The following SUFU variants were observed in gnomAD, a reference collection of about 807,000 sequenced individuals.
SUFU encodes the protein suppressor of fused homolog.
Under a neutral mutation model 58.9 loss-of-function variants are expected in SUFU, and 7 were observed. That is an observed-to-expected ratio of 0.12 (90% CI 0.07 to 0.22). The LOEUF (loss-of-function observed/expected upper bound fraction) is 0.22. Ranked by LOEUF, SUFU falls within the 10% of genes least tolerant of loss-of-function variation. SUFU has a pLI of 1.00. For synonymous variants in SUFU, 232 were observed against 254.8 expected, an observed-to-expected ratio of 0.91 and a Z score of 0.85; for missense variants, 451 against 641.3, an observed-to-expected ratio of 0.70 and a Z score of 3.20.
chr10:102,545,293 A>ATTTT (rs1162195255), intron 2 of SUFU, among the ~76,000 whole-genome samples: 197 of 106,062 alleles, frequency 1.9e-3, no homozygotes, highest in Non-Finnish European at 2.2e-3. Flanking sequence ...TAATTTTTGT[A>ATTTT]TTTTTTTTTT....
chr10:102,513,615 G>C (rs1375020305), intron 2 of SUFU, among the ~76,000 whole-genome samples: 1 of 152,224 alleles, frequency 6.6e-6, no homozygotes, highest in East Asian at 1.9e-4. Flanking sequence ...GCAGAGCAGA[G>C]GGAGTAACTT....
chr10:102,523,448 G>A (rs1344281017), intron 2 of SUFU, among the ~76,000 whole-genome samples: 2 of 152,188 alleles, frequency 1.3e-5, no homozygotes, highest in South Asian at 4.1e-4. Flanking sequence ...CTTGGCCCAG[G>A]CTACCAGTCC....
At chr10:102,506,747 T>G (rs1470712288) in intron 1 of SUFU, among the ~76,000 whole-genome samples, 1 of 152,180 alleles carries the variant, frequency 6.6e-6, no homozygotes, top group African/African-American at 2.4e-5. Context: ...TCATTTATAT[T>G]CCTCACATTT....
intron 2 of SUFU, among the ~76,000 whole-genome samples, chr10:102,545,272 C>T (rs1473304260): frequency 1.3e-5 from 2 of 150,994 alleles, no homozygotes; most frequent in Non-Finnish European, 2.9e-5. Flanking sequence ...GTGTGAGCCA[C>T]CATGCCTGGC....
intron 2 of SUFU, among the ~76,000 whole-genome samples, chr10:102,513,053 G>A (rs2062420779): frequency 6.6e-6 from 1 of 152,042 alleles, no homozygotes; most frequent in African/African-American, 2.4e-5. Flanking sequence ...GGGTAACAGA[G>A]CGAGACCCTA....
intron 3 of SUFU, among the ~76,000 whole-genome samples, chr10:102,576,916 G>T (rs992236006): frequency 5.3e-5 from 8 of 152,006 alleles, no homozygotes; most frequent in African/African-American, 1.9e-4. Context: ...TCACTGTGTT[G>T]CCCAGGCTGG....
chr10:102,555,909 C>T (rs932315293), intron 3 of SUFU, among the ~76,000 whole-genome samples: 3 of 152,204 alleles, frequency 2.0e-5, no homozygotes, highest in African/African-American at 4.8e-5. Context: ...TACCTGCCTA[C>T]GTACATAGTG....
At chr10:102,544,283 G>C (rs1806434821) in intron 2 of SUFU, among the ~76,000 whole-genome samples, 1 of 152,228 alleles carries the variant, frequency 6.6e-6, no homozygotes, top group Non-Finnish European at 1.5e-5. Context: ...GTATACCTGA[G>C]ATGCCAGCTT....
rs2063247170 is a variant in SUFU, at chr10:102,579,212, T to C, written c.455-13370T>C. ...TGGCCAGGTGAACCCTCCTGAGCTC[T>C]GTGGGCAGTCAGGGTCCTCACCCTC... On this transcript the variant is annotated intron_variant, in intron 3 of 11. Coordinates refer to ENST00000369902, the MANE Select transcript of SUFU (RefSeq NM_016169.4). Among the ~76,000 whole-genome samples the C allele has an allele frequency of 2.0e-5, 3 of 152,352 alleles. No homozygotes were observed. The South Asian group carries it at 6.2e-4, about 32-fold the overall frequency.
At chr10:102,557,424 G>A (rs1379389262) in intron 3 of SUFU, among the ~76,000 whole-genome samples, 1 of 151,924 alleles carries the variant, frequency 6.6e-6, no homozygotes, top group Non-Finnish European at 1.5e-5. Context: ...CACAGGGGTA[G>A]AGTGAAAAGA....
chr10:102,518,146 AG>A (rs1231406300), intron 2 of SUFU, among the ~76,000 whole-genome samples: 3 of 152,172 alleles, frequency 2.0e-5, no homozygotes, highest in Non-Finnish European at 2.9e-5. Flanking sequence ...ACTTTGTATA[AG>A]GCACTTTTCT....
intron 2 of SUFU, among the ~76,000 whole-genome samples, chr10:102,512,011 C>T (rs1201370204): frequency 1.3e-5 from 2 of 152,202 alleles, no homozygotes; most frequent in African/African-American, 2.4e-5. Context: ...TGTATTCAGC[C>T]TCAGAGTTTG....
At chr10:102,509,451 GT>G in intron 2 of SUFU, 148 bp downstream of exon 2, 1 of 1,155,476 alleles carries the variant, frequency 8.7e-7, no homozygotes, top group Non-Finnish European at 1.3e-6. Context: ...TCATGCCAAG[GT>G]GGTCCTCGTT....
At chr10:102,509,591 C>G (rs532487309) in intron 2 of SUFU, among the ~76,000 whole-genome samples, 1 of 152,278 alleles carries the variant, frequency 6.6e-6, no homozygotes, top group South Asian at 2.1e-4. Context: ...TGACTCAGAA[C>G]TTGGGCTGAT....
intron 2 of SUFU, among the ~76,000 whole-genome samples, chr10:102,533,406 T>C (rs946252425): frequency 7.4e-6 from 1 of 135,628 alleles, no homozygotes; most frequent in African/African-American, 2.8e-5. Context: ...ACCCCATCTC[T>C]ACAAAAAAAA....
intron 1 of SUFU, 68 bp downstream of exon 1, chr10:102,504,402 T>C: frequency 6.3e-7 from 1 of 1,593,030 alleles, no homozygotes; most frequent in Non-Finnish European, 8.5e-7. Context: ...GAGGGCGAAG[T>C]AATTTGTGGG....
intron 2 of SUFU, among the ~76,000 whole-genome samples, chr10:102,511,174 G>GT (rs1007632126): frequency 6.7e-6 from 1 of 148,298 alleles, no homozygotes; most frequent in East Asian, 2.0e-4. Context: ...AATAAACAAA[G>GT]TTTTTTTTAT....
At chr10:102,511,445 T>C (rs2062400153) in intron 2 of SUFU, among the ~76,000 whole-genome samples, 1 of 152,208 alleles carries the variant, frequency 6.6e-6, no homozygotes, top group Admixed American at 6.5e-5. Flanking sequence ...GGACTCGTCC[T>C]GTCCTGCCTT....
rs547185370 is a variant in SUFU, at chr10:102,625,223, G to A, written c.1297-1952G>A. Among the ~76,000 whole-genome samples, 5 of 152,268 alleles carry A rather than the reference G, an allele frequency of 3.3e-5. No homozygotes were observed. The East Asian group carries it at 9.6e-4, about 29-fold the overall frequency. ...GAGTACGTGTATGGCTGGAGTCTGTGGGCAGAGTCGGCCAGTCCCACTTTG... is the reference window on the plus strand; with the variant it reads ...GAGTACGTGTATGGCTGGAGTCTGTAGGCAGAGTCGGCCAGTCCCACTTTG... On this transcript the variant is annotated intron_variant, in intron 10 of 11. Transcript: ENST00000369902. The surrounding 1 kb of genome is among the most constrained non-coding windows in gnomAD (Gnocchi z 4.7).
Sources: gnomAD v4.1 joint callset for allele counts (sites outside exome capture counted in the v4.1 genomes callset) on GRCh38, gnomAD v4.1.1 for gene constraint, Gnocchi (gnomAD v3.1) non-coding constraint, MANE v1.5 for transcripts, NCBI Gene and HGNC (gene_info 2026-07-23, HGNC 2026-07-21) for gene names.